PALM2AKAP2: variants seen among roughly 807,000 people sequenced by gnomAD.
The protein encoded by PALM2AKAP2 is PALM2 and AKAP2 fusion.
In PALM2AKAP2, 37 loss-of-function variants were observed where a neutral mutation model predicts 71.5. That is an observed-to-expected ratio of 0.52 (90% CI 0.40 to 0.68). PALM2AKAP2 has a LOEUF of 0.68. PALM2AKAP2 is among the 30% of genes least tolerant of loss of function. The pLI is 0.00. For synonymous variants in PALM2AKAP2, 468 were observed against 478.8 expected (o/e 0.98, Z 0.29); for missense variants, 1,224 against 1,191.8 (o/e 1.03, Z -0.40).
At chr9:110,013,371 T>A (rs1317253173) in intron 6 of PALM2AKAP2, among the ~76,000 whole-genome samples, 1 of 152,212 alleles carries the variant, frequency 6.6e-6, no homozygotes, top group Non-Finnish European at 1.5e-5. Context: ...ATCATCTGAT[T>A]GTCCATCATG....
upstream of PALM2AKAP2, among the ~76,000 whole-genome samples, chr9:110,046,594 G>A (rs1833601186): frequency 6.6e-6 from 1 of 151,196 alleles, no homozygotes. Flanking sequence ...TCACCCTCCT[G>A]AGTAGCTGGG....
intron 1 of PALM2AKAP2, among the ~76,000 whole-genome samples, chr9:110,071,169 A>AAAAAAAAAAAAAG (rs1275356067): frequency 6.6e-6 from 1 of 151,440 alleles, no homozygotes; most frequent in East Asian, 1.9e-4. Flanking sequence ...GTTTCAAAAA[A>AAAAAAAAAAAAAG]AAAAAAAAGA....
intron 1 of PALM2AKAP2, among the ~76,000 whole-genome samples, chr9:109,668,440 G>C (rs184123164): frequency 6.6e-6 from 1 of 152,318 alleles, no homozygotes; most frequent in African/African-American, 2.4e-5. Flanking sequence ...TTATCCCACT[G>C]GAAAATATCA....
At chr9:109,887,814 G>C (rs1830000952) in intron 3 of PALM2AKAP2, among the ~76,000 whole-genome samples, 1 of 152,154 alleles carries the variant, frequency 6.6e-6, no homozygotes, top group Non-Finnish European at 1.5e-5. Flanking sequence ...AATCCCAACA[G>C]AAGTTGTTAT....
intron 5 of PALM2AKAP2, among the ~76,000 whole-genome samples, chr9:109,931,591 C>T (rs1831103092): frequency 6.6e-6 from 1 of 152,080 alleles, no homozygotes; most frequent in Non-Finnish European, 1.5e-5. Context: ...TTTGTCAATC[C>T]CACCAAGTTG....
chr9:110,040,586 T>C (rs1022981195), intron 7 of PALM2AKAP2, among the ~76,000 whole-genome samples: 5 of 152,344 alleles, frequency 3.3e-5, no homozygotes, highest in Admixed American at 3.3e-4. Flanking sequence ...CTTATGGTTC[T>C]TCCCTTAAAT....
intron 7 of PALM2AKAP2, among the ~76,000 whole-genome samples, chr9:110,019,146 A>G (rs1259235845): frequency 2.0e-5 from 3 of 151,246 alleles, no homozygotes; most frequent in Non-Finnish European, 4.4e-5. Flanking sequence ...AGGCTGAGGC[A>G]GGAGAATCAC....
chr9:110,056,369 A>C (rs1010898708), intron 1 of PALM2AKAP2, among the ~76,000 whole-genome samples: 7 of 152,238 alleles, frequency 4.6e-5, no homozygotes, highest in Non-Finnish European at 8.8e-5. Context: ...CAAATGGAGA[A>C]AGACATCATT....
intron 1 of PALM2AKAP2, among the ~76,000 whole-genome samples, chr9:109,851,887 G>A (rs1228301603): frequency 6.6e-6 from 1 of 152,120 alleles, no homozygotes; most frequent in Non-Finnish European, 1.5e-5. Context: ...CTATTAGTGG[G>A]TAAAAAGCTG....
intron 1 of PALM2AKAP2, among the ~76,000 whole-genome samples, chr9:109,802,223 A>G (rs552469532): frequency 6.6e-6 from 1 of 152,340 alleles, no homozygotes; most frequent in South Asian, 2.1e-4. Context: ...ATAATGCTGT[A>G]TAACTAACAT....
chr9:110,130,967 C>G (rs1564321545), intron 1 of PALM2AKAP2, among the ~76,000 whole-genome samples: 1 of 152,160 alleles, frequency 6.6e-6, no homozygotes, highest in African/African-American at 2.4e-5. Context: ...TGCCAATTAG[C>G]AAAGCTTCAG....
chr9:109,940,316 GAA>G (rs1269482976), intron 6 of PALM2AKAP2, among the ~76,000 whole-genome samples: 4 of 152,114 alleles, frequency 2.6e-5, no homozygotes, highest in Non-Finnish European at 5.9e-5. Context: ...GAGAAGTTTA[GAA>G]AAAGTATTGA....
intron 3 of PALM2AKAP2, 129 bp from the exon 10 acceptor site, chr9:110,161,965 T>G: frequency 8.2e-7 from 1 of 1,226,908 alleles, no homozygotes; most frequent in South Asian, 1.3e-5. Context: ...TTGGCATGGG[T>G]GTAGAATGGC....
intron 2 of PALM2AKAP2, among the ~76,000 whole-genome samples, chr9:110,145,810 C>A (rs1836151274): frequency 7.4e-6 from 1 of 134,744 alleles, no homozygotes; most frequent in Non-Finnish European, 1.6e-5. Flanking sequence ...GTATAGAATT[C>A]CACATTCTCT....
In PALM2AKAP2 at chr9:109,965,323, C is replaced by T. The variant is rs139875431; in HGVS notation, c.496+33295C>T. 1.9e-3 allele frequency among the ~76,000 whole-genome samples: 294 copies of T among 152,156 alleles called. 1 individual carries two copies. The highest frequency in any genetic ancestry group is 0.017 in the Middle Eastern group (5 of 292). On this transcript the variant is annotated intron_variant, in intron 6 of 9. Coordinates refer to the PALM2AKAP2 transcript ENST00000302798. ...AGCATTATTTCCAATAGCCAAAAGA[C>T]GGAAAAAACCCCAAGTGTCCATCCA... is the stretch of plus-strand genomic sequence containing the variant.
intron 1 of PALM2AKAP2, among the ~76,000 whole-genome samples, chr9:110,105,258 G>GA (rs1179386659): frequency 6.6e-6 from 1 of 152,214 alleles, no homozygotes; most frequent in African/African-American, 2.4e-5. Flanking sequence ...CTTTTTGCCA[G>GA]AAAAGAGCAT....
chr9:109,745,470 C>T (rs1009924951), intron 1 of PALM2AKAP2, among the ~76,000 whole-genome samples: 1 of 150,966 alleles, frequency 6.6e-6, no homozygotes, highest in African/African-American at 2.4e-5. Flanking sequence ...TCTCTTAAGT[C>T]GACTCTAGTG....
At chr9:110,159,877 C>G (rs1009219819) in intron 3 of PALM2AKAP2, among the ~76,000 whole-genome samples, 1 of 152,164 alleles carries the variant, frequency 6.6e-6, no homozygotes, top group Non-Finnish European at 1.5e-5. Context: ...GTGGTGTTAT[C>G]CAAAGGTTGT....
chr9:109,855,874 A>G (rs1039065113), intron 1 of PALM2AKAP2, among the ~76,000 whole-genome samples: 10 of 152,246 alleles, frequency 6.6e-5, no homozygotes, highest in African/African-American at 2.4e-4. Context: ...TCTGTTCTTA[A>G]GGTAGAAAAT....
Sources: gnomAD v4.1 joint callset for allele counts (sites outside exome capture counted in the v4.1 genomes callset) on GRCh38, gnomAD v4.1.1 for gene constraint, MANE v1.5 for transcripts, NCBI Gene and HGNC (gene_info 2026-07-23, HGNC 2026-07-21) for gene names.